Variants in RYR2 observed in about 807,000 individuals in gnomAD.
The protein encoded by RYR2 is cardiac muscle ryanodine receptor-calcium release channel.
Under a neutral mutation model 601.1 loss-of-function variants are expected in RYR2, and 227 were observed. The ratio of observed to expected loss-of-function variants is 0.38; its 90% CI spans 0.34 to 0.42. The LOEUF is 0.42. Ranked by LOEUF, RYR2 falls within the 10% of genes least tolerant of loss-of-function variation. The pLI, the probability that RYR2 is intolerant of heterozygous loss-of-function variation, is 1.00. For synonymous variants in RYR2, 2,223 were observed against 2,175.1 expected (o/e 1.02, Z -0.61); for missense variants, 4,646 against 6,156.5 (o/e 0.75, Z 8.21).
intron 1 of RYR2, among the ~76,000 whole-genome samples, chr1:237,221,140 T>C (rs921844932): frequency 3.3e-5 from 5 of 151,974 alleles, no homozygotes; most frequent in African/African-American, 9.7e-5. Flanking sequence ...CAACAACAAA[T>C]TGGGGATAGG....
rs1195339740 is a variant in RYR2, at chr1:237,833,160, AC to A, written c.*514del. On this transcript the variant is annotated 3_prime_UTR_variant, in exon 105 of 105. Coordinates refer to ENST00000366574, the MANE Select transcript of RYR2 (RefSeq NM_001035.3). ...ATGCAGAAGATACGTGCATGAAAAA[AC>A]ATCTTTATTTTCTTTATGTCGACCT... The A allele has an allele frequency of 1.3e-5, 2 of 152,114 alleles. No individual in the cohort carries two copies. Among genetic ancestry groups the A allele is most frequent in the African/African-American group, 2.4e-5 (1 of 41,296 alleles). 9.4% of individuals were successfully genotyped at this position (152,114 alleles called of 1,614,324 possible).
At position 237,617,391 on chromosome 1, in the gene RYR2, C is replaced by T. The variant is rs754811291; in HGVS notation, c.5821C>T (p.Arg1941Cys). Residue 1941 changes from arginine (R) to cysteine (C), a missense_variant, in exon 38 of 105, where the codon CGT (arginine) becomes TGT (cysteine). Coordinates refer to ENST00000366574, the MANE Select transcript of RYR2 (RefSeq NM_001035.3). ...TGTGGCTAAGCTCCAAGACAATCAA[C>T]GTTTCCGATACAACGAAGTCATGCA... ...DFVAKLQDNQRFRYNEVMQAL... is the reference protein window; with the variant it reads ...DFVAKLQDNQCFRYNEVMQAL... The T allele has an allele frequency of 1.2e-5, 20 of 1,613,860 alleles. No homozygotes were observed. The highest frequency in any genetic ancestry group is 2.2e-5 in the East Asian group (1 of 44,900).
chr1:237,396,291 A>G (rs1158518827), intron 10 of RYR2, among the ~76,000 whole-genome samples: 1 of 152,218 alleles, frequency 6.6e-6, no homozygotes, highest in Non-Finnish European at 1.5e-5. Flanking sequence ...TAAGTCATCT[A>G]TATTGAGAAT....
At position 237,481,824 on chromosome 1, in the gene RYR2, A is replaced by C. The variant is rs1029241665; in HGVS notation, c.1709-9982A>C. Among the ~76,000 whole-genome samples, 15 of 149,792 alleles carry C rather than the reference A, an allele frequency of 1.0e-4. No homozygotes were observed. The Middle Eastern group carries it at 0.01, about 104-fold the overall frequency. On this transcript the variant is annotated intron_variant, in intron 17 of 104. Coordinates refer to ENST00000366574, the MANE Select transcript of RYR2 (RefSeq NM_001035.3). ...TGCTGTGTAGCAAAAAAAAAAAAAA[A>C]AAAAAAAAAAACCACCTCCCAAACT...
chr1:237,104,972 G>A (rs564372903), intron 1 of RYR2, among the ~76,000 whole-genome samples: 2 of 152,314 alleles, frequency 1.3e-5, no homozygotes, highest in Admixed American at 6.5e-5. Flanking sequence ...TGGTAATGCT[G>A]GGAATTTCAG....
chr1:237,142,544 A>G (rs959092751), intron 1 of RYR2, among the ~76,000 whole-genome samples: 10 of 152,298 alleles, frequency 6.6e-5, no homozygotes, highest in Admixed American at 2.0e-4. Context: ...CATGGAGGAA[A>G]GGGGAACCCT....
intron 28 of RYR2, among the ~76,000 whole-genome samples, chr1:237,567,721 G>C (rs1345667048): frequency 6.6e-6 from 1 of 150,850 alleles, no homozygotes; most frequent in Non-Finnish European, 1.5e-5. Context: ...TTTTTTAAGT[G>C]AATTTATTTT....
intron 91 of RYR2, 166 bp from the exon 92 acceptor site, chr1:237,787,822 A>G (rs961696074): frequency 1.1e-5 from 7 of 661,370 alleles, no homozygotes; most frequent in Non-Finnish European, 1.8e-5. Context: ...AGAAAATCCT[A>G]CCCCTGATTC....
chr1:237,735,202 T>G (rs191376650), intron 79 of RYR2, among the ~76,000 whole-genome samples: 128 of 152,148 alleles, frequency 8.4e-4, no homozygotes, highest in Middle Eastern at 3.4e-3. Context: ...GCTTCTGCGG[T>G]TTGTGGAGAG....
intron 6 of RYR2, among the ~76,000 whole-genome samples, chr1:237,370,637 A>C (rs919054046): frequency 2.0e-5 from 3 of 151,324 alleles, no homozygotes; most frequent in Non-Finnish European, 2.9e-5. Context: ...AAAATATGTT[A>C]AAAATATGCA....
intron 6 of RYR2, among the ~76,000 whole-genome samples, chr1:237,371,693 T>C (rs1438516064): frequency 1.3e-5 from 2 of 152,184 alleles, no homozygotes; most frequent in Admixed American, 6.5e-5. Flanking sequence ...GTGGCACATA[T>C]ACGCCATGGA....
intron 62 of RYR2, 106 bp downstream of exon 62, chr1:237,680,683 A>C (rs1183011010): frequency 2.7e-6 from 2 of 730,258 alleles, no homozygotes; most frequent in Non-Finnish European, 4.2e-6. Context: ...GTATCTGCCC[A>C]TTTCCCTGGT....
chr1:237,756,939 A>G (rs759237442), intron 81 of RYR2, among the ~76,000 whole-genome samples: 41 of 152,238 alleles, frequency 2.7e-4, no homozygotes, highest in Non-Finnish European at 5.1e-4. Context: ...AGACTTTTAA[A>G]GTGAGACTTT....
At chr1:237,196,920 A>G (rs1159669735) in intron 1 of RYR2, among the ~76,000 whole-genome samples, 1 of 152,122 alleles carries the variant, frequency 6.6e-6, no homozygotes, top group East Asian at 1.9e-4. Flanking sequence ...CTCTACATTT[A>G]TTTTGTTCCT....
chr1:237,398,523 C>T (rs1205282974), intron 10 of RYR2, among the ~76,000 whole-genome samples: 1 of 152,108 alleles, frequency 6.6e-6, no homozygotes, highest in African/African-American at 2.4e-5. Flanking sequence ...CATTATGACC[C>T]ATTATAGAAA....
chr1:237,807,416 T>G (rs2149441623), intron 99 of RYR2, among the ~76,000 whole-genome samples: 1 of 152,356 alleles, frequency 6.6e-6, no homozygotes, highest in Admixed American at 6.5e-5. Context: ...GGCGGCGCGA[T>G]CTCGGCTCAC....
In RYR2 at chr1:237,565,106, TTTCTTTCTTTTTCTTTCTTTCTTTC is replaced by T. The variant is rs1671838612; in HGVS notation, c.3215-1458_3215-1434del. Among the ~76,000 whole-genome samples the T allele has an allele frequency of 2.3e-5, 2 of 86,864 alleles. 1 individual carries two copies. 57.0% of individuals were successfully genotyped at this position (86,864 alleles called of 152,430 possible). ...AACTTCCTTCTTCTCTTTTCTTTTC[TTTCTTTCTTTTTCTTTCTTTCTTTC>T]TTTCTTTCTTTTTCTTTCTTTCTTT... On this transcript the variant is annotated intron_variant, in intron 27 of 104. Coordinates refer to ENST00000366574, the MANE Select transcript of RYR2 (RefSeq NM_001035.3).
At position 237,833,294 on chromosome 1, in the gene RYR2, C is replaced by T. The variant is rs16835894; in HGVS notation, c.*647C>T. On this transcript the variant is annotated 3_prime_UTR_variant, in exon 105 of 105. Coordinates refer to ENST00000366574, the MANE Select transcript of RYR2 (RefSeq NM_001035.3). ...TGCACTTAAAAAGAAAAAAAAAAAA[C>T]GGGTGGTGTGTCTCAGGACAAAAGG... 0.036 allele frequency: 3,643 copies of T among 101,648 alleles called. 60 individuals carry two copies. The highest frequency in any genetic ancestry group is 0.052 in the South Asian group (164 of 3,152). 6.3% of individuals were successfully genotyped at this position (101,648 alleles called of 1,614,324 possible).
At chr1:237,766,327 T>C (rs1693847457) in intron 84 of RYR2, among the ~76,000 whole-genome samples, 2 of 152,188 alleles carry the variant, frequency 1.3e-5, no homozygotes, top group Admixed American at 1.3e-4. Flanking sequence ...TAGACTCCAC[T>C]AACAGTACAA....
Sources: gnomAD v4.1 joint callset for allele counts (sites outside exome capture counted in the v4.1 genomes callset) on GRCh38, gnomAD v4.1.1 for gene constraint, MANE v1.5 for transcripts, NCBI Gene and HGNC (gene_info 2026-07-23, HGNC 2026-07-21) for gene names.